The following CLCF1 variants were observed in gnomAD, a reference collection of about 807,000 sequenced individuals.
The protein encoded by CLCF1 is cardiotrophin-like cytokine factor 1.
In CLCF1, 10 loss-of-function variants were observed where a neutral mutation model predicts 21.2. The ratio of observed to expected loss-of-function variants is 0.47; its 90% CI spans 0.29 to 0.80. The LOEUF (loss-of-function observed/expected upper bound fraction) is 0.80, where lower values mean the gene tolerates loss of function less well. Ranked by LOEUF, CLCF1 falls within the 30% of genes least tolerant of loss-of-function variation. The pLI, the probability that CLCF1 is intolerant of heterozygous loss-of-function variation, is 0.09. For synonymous variants in CLCF1, 115 were observed against 120.5 expected (o/e 0.95, Z 0.30); for missense variants, 240 against 293.4 (o/e 0.82, Z 1.33).
intron 1 of CLCF1, chr11:67,367,894 A>G (rs1862149132): frequency 4.1e-6 from 4 of 985,292 alleles, no homozygotes; most frequent in Non-Finnish European, 4.8e-6. Flanking sequence ...GTCAGCTGAG[A>G]GAGTCTTTGG....
chr11:67,369,441 G>A, intron 1 of CLCF1: 1 of 985,344 alleles, frequency 1.0e-6, no homozygotes, highest in Non-Finnish European at 1.2e-6. Flanking sequence ...CTTCCTCCTG[G>A]ACGCTGCTTT....
upstream of CLCF1, chr11:67,373,759 AG>A: frequency 1.0e-6 from 1 of 980,598 alleles, no homozygotes; most frequent in Non-Finnish European, 1.2e-6. Flanking sequence ...CACAAATTGT[AG>A]CGGCCCTCCC....
intron 2 of CLCF1, among the ~76,000 whole-genome samples, chr11:67,367,032 G>A (rs1377275447): frequency 6.6e-6 from 1 of 152,192 alleles, no homozygotes; most frequent in Non-Finnish European, 1.5e-5. Flanking sequence ...ACGGAAGGGA[G>A]GCCCCTGGGT....
intron 1 of CLCF1, chr11:67,369,338 A>C (rs1175526939): frequency 1.0e-6 from 1 of 982,088 alleles, no homozygotes; most frequent in Non-Finnish European, 1.2e-6. Flanking sequence ...GTGTGTGTAC[A>C]CGCGTGTGTT....
intron 2 of CLCF1, among the ~76,000 whole-genome samples, chr11:67,366,052 G>A (rs781193788): frequency 2.6e-5 from 4 of 152,210 alleles, no homozygotes; most frequent in Non-Finnish European, 5.9e-5. Context: ...GAAGGCAGCA[G>A]CGCTCAGCAG....
intron 1 of CLCF1, chr11:67,368,204 G>A: frequency 1.0e-6 from 1 of 985,382 alleles, no homozygotes; most frequent in South Asian, 4.7e-5. Context: ...CTGCCTTATG[G>A]GGCTTAGTTT....
chr11:67,369,443 C>T (rs543554378), intron 1 of CLCF1: 394 of 985,384 alleles, frequency 4.0e-4, no homozygotes, highest in Non-Finnish European at 4.5e-4. Flanking sequence ...TCCTCCTGGA[C>T]GCTGCTTTCC....
At chr11:67,371,110 G>A (rs530783855) in intron 1 of CLCF1, 17 of 984,300 alleles carry the variant, frequency 1.7e-5, no homozygotes, top group African/African-American at 8.7e-5. Flanking sequence ...GCATTGTGAC[G>A]GTAGGAAACT....
chr11:67,367,321 TAGAC>T, intron 2 of CLCF1, 135 bp downstream of exon 2: 1 of 1,350,548 alleles, frequency 7.4e-7, no homozygotes, highest in Non-Finnish European at 1.0e-6. Flanking sequence ...GGGCAGGAGA[TAGAC>T]CAGACAGGGG....
Position 67,372,138 on chromosome 11 carries a change from C to T in CLCF1, c.16+1386G>A, listed in dbSNP as rs1862248407. ...AGGTCAGTCGGGGTCAGTGAAAGCA[C>T]AGAGGTGTCCCTGGGTTAGGGTCAG... On this transcript the variant is annotated intron_variant, in intron 1 of 2. Transcript: ENST00000312438. The surrounding 1 kb of genome is among the most constrained non-coding windows in gnomAD (Gnocchi z 5.9). 6.6e-6 allele frequency among the ~76,000 whole-genome samples: 1 copy of T among 152,062 alleles called. No homozygotes were observed. The highest frequency in any genetic ancestry group is 2.1e-4 in the South Asian group (1 of 4,830).
In CLCF1 at chr11:67,367,461, T is replaced by C. The variant is rs1161276298; in HGVS notation, c.182A>G (p.Tyr61Cys). 3.7e-6 allele frequency: 6 copies of C among 1,614,052 alleles called. No homozygotes were observed. The highest frequency in any genetic ancestry group is 2.2e-5 in the South Asian group (2 of 91,094). The change falls in exon 2 of 3, where the codon TAT (tyrosine) becomes TGT (cysteine). Residue 61 changes from tyrosine to cysteine, a missense_variant and splice_region_variant. Transcript: ENST00000312438. ...EHQLRSLAGT[Y>C]LNYLGPPFNE... ...CAGATTCCTACGCTGGATACTCACA[T>C]AGGTCCCAGCCAAGCTGCGGAGTTG...
At position 67,372,636 on chromosome 11, in the gene CLCF1, G is replaced by A. The variant is rs1173437462; in HGVS notation, c.16+888C>T. On this transcript the variant is annotated intron_variant, in intron 1 of 2. Transcript: ENST00000312438. The surrounding 1 kb of genome is among the most constrained non-coding windows in gnomAD (Gnocchi z 5.9). ...CCCCGCGGCGGGGGCGGGGGCGGGG[G>A]CGGGGGCGGGGTCCGGGGCACCGGG... Among the ~76,000 whole-genome samples, 1 of 149,338 alleles carries A rather than the reference G, an allele frequency of 6.7e-6. No homozygotes were observed. The highest frequency in any genetic ancestry group is 1.5e-5 in the Non-Finnish European group (1 of 66,860).
Position 67,373,525 on chromosome 11 carries a change from T to C in CLCF1, c.15A>G (p.Ala5=). 7.0e-7 allele frequency: 1 copy of C among 1,426,738 alleles called. No homozygotes were observed. The highest frequency in any genetic ancestry group is 9.2e-7 in the Non-Finnish European group (1 of 1,086,760). The allele number at this position is 1,426,738 out of a possible 1,614,324, so 88.4% of individuals were successfully genotyped here. The change falls in exon 1 of 3, where the codon GCA becomes GCG. Residue 5 remains alanine, a splice_region_variant and synonymous_variant. Transcript: ENST00000312438. MDLR[A]GDSWGMLACL... Reference sequence around the variant, plus strand: ...GGGCCTCGGCCGCCTGGCTCCTACCTGCTCGGAGGTCCATGGGGCTGGGGC... The same window carrying C: ...GGGCCTCGGCCGCCTGGCTCCTACCCGCTCGGAGGTCCATGGGGCTGGGGC...
At position 67,365,413 on chromosome 11, in the gene CLCF1, G is replaced by A; in HGVS notation, c.401C>T (p.Ala134Val). ...GCCCTGGAGGCTGGTGCAGAAGTGG[G>A]CCAGGCTGCGGCGCAGCTCAGCAGT... ...AATAELRRSL[A>V]HFCTSLQGLL... Residue 134 changes from alanine to valine, a missense_variant, in exon 3 of 3, where the codon GCC becomes GTC. By Grantham distance (64) the Ala-to-Val change is moderately conservative. Transcript: ENST00000312438. This position sits in a 1 kb window ranked among gnomAD's most constrained non-coding sequence, Gnocchi z 5.0. The A allele has an allele frequency of 6.2e-7, 1 of 1,613,464 alleles. No homozygotes were observed. Among genetic ancestry groups the A allele is most frequent in the Middle Eastern group, 1.7e-4 (1 of 5,916 alleles).
chr11:67,374,085 G>GCCTCCTCATCTCTAACCTTCCCT (rs1862295773), upstream of CLCF1: 1 of 986,024 alleles, frequency 1.0e-6, no homozygotes, highest in Non-Finnish European at 1.2e-6. Flanking sequence ...CCCTACCTCT[G>GCCTCCTCATCTCTAACCTTCCCT]CCTCCTCATC....
Position 67,367,196 on chromosome 11 carries a change from C to T in CLCF1, c.183+264G>A, listed in dbSNP as rs550669012. On this transcript the variant is annotated intron_variant, in intron 2 of 2. Coordinates refer to ENST00000312438, the MANE Select transcript of CLCF1 (RefSeq NM_013246.3). ...GACTTCCCCGGCCCCCAGGGGGAGGCGGGCGGCTGGGCTGGCAGCCAGTGG... is the reference window on the plus strand; with the variant it reads ...GACTTCCCCGGCCCCCAGGGGGAGGTGGGCGGCTGGGCTGGCAGCCAGTGG... Among the ~76,000 whole-genome samples, 60 of 151,484 alleles carry T rather than the reference C, an allele frequency of 4.0e-4. No individual in the cohort carries two copies. In the South Asian group the frequency reaches 8.6e-3, roughly 22 times the overall value.
Position 67,373,575 on chromosome 11 carries a change from T to C in CLCF1, c.-36A>G. 2 of 1,350,250 alleles carry C rather than the reference T, an allele frequency of 1.5e-6. No individual in the cohort carries two copies. The highest frequency in any genetic ancestry group is 1.9e-6 in the Non-Finnish European group (2 of 1,050,220). The allele number at this position is 1,350,250 out of a possible 1,614,324, so 83.6% of individuals were successfully genotyped here. ...CCGGGCCGGCCGGGTGCGGCTCCTC[T>C]CCCGGAGGCTGGCGGAGTGGGAGGG... On this transcript the variant is annotated 5_prime_UTR_variant, in exon 1 of 3. Transcript: ENST00000312438.
chr11:67,369,956 G>A (rs1862193676), intron 1 of CLCF1: 2 of 985,364 alleles, frequency 2.0e-6, no homozygotes, highest in East Asian at 1.1e-4. Flanking sequence ...TTAACCAGAC[G>A]AGGCCGGTGT....
chr11:67,365,340 C>A lies in CLCF1; in HGVS notation c.474G>T (p.Leu158=). ...GTTCAGTCCCAGGCAGCGGCTGGGG[C>A]AGTGGGTAGCCCAGAGCTGCCATGA... ...AGVMAALGYP[L]PQPLPGTEPT... The change falls in exon 3 of 3, where the codon CTG becomes CTT. Residue 158 remains leucine (L), a synonymous_variant. Transcript: ENST00000312438. The surrounding 1 kb of genome is among the most constrained non-coding windows in gnomAD (Gnocchi z 5.0). 1 of 1,613,222 alleles carries A rather than the reference C, an allele frequency of 6.2e-7. No individual in the cohort carries two copies. The highest frequency in any genetic ancestry group is 8.5e-7 in the Non-Finnish European group (1 of 1,179,888).
Sources: gnomAD v4.1 joint callset for allele counts (sites outside exome capture counted in the v4.1 genomes callset) on GRCh38, gnomAD v4.1.1 for gene constraint, Gnocchi (gnomAD v3.1) non-coding constraint, MANE v1.5 for transcripts, NCBI Gene and HGNC (gene_info 2026-07-23, HGNC 2026-07-21) for gene names.